The following GRIN2D variants were observed in gnomAD, a reference collection of about 807,000 sequenced individuals.
GRIN2D encodes glutamate receptor ionotropic, NMDA 2D.
A neutral mutation model predicts 103.2 loss-of-function variants in GRIN2D; 37 were observed. The ratio of observed to expected loss-of-function variants is 0.36; its 90% confidence interval spans 0.28 to 0.47. The LOEUF (loss-of-function observed/expected upper bound fraction) is 0.47. GRIN2D is among the 20% of genes least tolerant of loss of function. GRIN2D has a pLI of 1.00. For synonymous variants in GRIN2D, 845 were observed against 885.6 expected, an observed-to-expected ratio of 0.95 and a Z score of 0.81; for missense variants, 1,557 against 1,910.6, an observed-to-expected ratio of 0.81 and a Z score of 3.45.
chr19:48,432,153 G>A (rs765072166), intron 11 of GRIN2D, among the ~76,000 whole-genome samples: 8 of 145,646 alleles, frequency 5.5e-5, no homozygotes, highest in South Asian at 2.2e-4. Context: ...CTTGTGATCC[G>A]CCTGCCTCAG....
At chr19:48,418,188 G>A (rs1359874974) in intron 8 of GRIN2D, among the ~76,000 whole-genome samples, 1 of 151,634 alleles carries the variant, frequency 6.6e-6, no homozygotes, top group African/African-American at 2.4e-5. Flanking sequence ...CGCCCACCAC[G>A]ACACCCAGCT....
chr19:48,411,980 C>T (rs1970867338), intron 4 of GRIN2D, among the ~76,000 whole-genome samples: 1 of 151,208 alleles, frequency 6.6e-6, no homozygotes, highest in African/African-American at 2.4e-5. Context: ...ATCACTTGAA[C>T]TCAGGAGTTC....
intron 3 of GRIN2D, among the ~76,000 whole-genome samples, chr19:48,402,862 A>G (rs962800242): frequency 2.0e-5 from 3 of 149,572 alleles, no homozygotes; most frequent in Non-Finnish European, 4.4e-5. Context: ...TGACATGCTA[A>G]TTTTGAGACA....
chr19:48,402,278 T>C (rs1303006195), intron 3 of GRIN2D, among the ~76,000 whole-genome samples: 1 of 152,034 alleles, frequency 6.6e-6, no homozygotes, highest in East Asian at 1.9e-4. Flanking sequence ...ACTGGAGCTA[T>C]CTTTGAACGT....
intron 2 of GRIN2D, among the ~76,000 whole-genome samples, chr19:48,397,798 G>C (rs995359903): frequency 6.6e-6 from 1 of 150,666 alleles, no homozygotes; most frequent in African/African-American, 2.4e-5. Context: ...CTCCTATCTT[G>C]ATCCCATCTC....
Position 48,421,808 on chromosome 19 carries a change from C to T in GRIN2D, c.2115C>T (p.Tyr705=). 1 of 1,613,894 alleles carries T rather than the reference C, an allele frequency of 6.2e-7. No individual in the cohort carries two copies. The highest frequency in any genetic ancestry group is 1.1e-5 in the South Asian group (1 of 91,080). The change falls in exon 11 of 14, where the codon TAC becomes TAT. Residue 705 remains tyrosine, a synonymous_variant. Transcript: ENST00000263269. The surrounding 1 kb of genome is among the most constrained non-coding windows in gnomAD (Gnocchi z 4.8). The stretch of plus-strand genomic sequence containing the variant: ...AGTTCCAGAGGCCCCAGGAGCAGTA[C>T]CCGCCCCTGAAGTTTGGGACCGTGC... ...DRKFQRPQEQ[Y]PPLKFGTVPN...
chr19:48,397,685 A>C (rs1970659447), intron 2 of GRIN2D, among the ~76,000 whole-genome samples: 4 of 135,626 alleles, frequency 2.9e-5, no homozygotes, highest in Admixed American at 7.1e-5. Flanking sequence ...TGTTTCTGTC[A>C]CTCCGTCCTC....
chr19:48,444,254 C>G lies in GRIN2D; in HGVS notation c.*317C>G, dbSNP rs1971353797. ...TGGGGGGTTCACGCCACTCCCGCGT[C>G]CCACCTCCACGCCCGGGGCCGTGGC... On this transcript the variant is annotated 3_prime_UTR_variant, in exon 14 of 14. Transcript: ENST00000263269. The surrounding 1 kb of genome is among the most constrained non-coding windows in gnomAD (Gnocchi z 5.5). 3 of 243,730 alleles carry G rather than the reference C, an allele frequency of 1.2e-5. No homozygotes were observed. The highest frequency in any genetic ancestry group is 3.0e-4 in the South Asian group (2 of 6,580). The allele number at this position is 243,730 out of a possible 1,614,324, so 15.1% of individuals were successfully genotyped here.
At chr19:48,395,959 C>G (rs1014548762) in intron 2 of GRIN2D, among the ~76,000 whole-genome samples, 3 of 151,184 alleles carry the variant, frequency 2.0e-5, no homozygotes, top group African/African-American at 7.3e-5. Flanking sequence ...AGAACAGGAC[C>G]GAATGCCCAG....
intron 11 of GRIN2D, among the ~76,000 whole-genome samples, chr19:48,424,948 C>G (rs75481032): frequency 6.6e-6 from 1 of 152,106 alleles, no homozygotes; most frequent in African/African-American, 2.4e-5. Flanking sequence ...CATCTCTCCC[C>G]CTTCCCCCTT....
intron 7 of GRIN2D, among the ~76,000 whole-genome samples, chr19:48,415,681 C>G (rs1970938809): frequency 7.0e-6 from 1 of 143,136 alleles, no homozygotes; most frequent in South Asian, 2.2e-4. Flanking sequence ...GACTTTGGTA[C>G]AGAGGAGGAG....
At chr19:48,396,557 G>T (rs1383241478) in intron 2 of GRIN2D, among the ~76,000 whole-genome samples, 1 of 151,898 alleles carries the variant, frequency 6.6e-6, no homozygotes, top group South Asian at 2.1e-4. Flanking sequence ...GGGGCGGAGT[G>T]GGGGGGTTAT....
Position 48,394,571 on chromosome 19 carries a change from G to A in GRIN2D, c.-305-87G>A, listed in dbSNP as rs1429683410. Among the ~76,000 whole-genome samples, 1 of 150,856 alleles carries A rather than the reference G, an allele frequency of 6.6e-6. No individual in the cohort carries two copies. Among genetic ancestry groups the A allele is most frequent in the African/African-American group, 2.4e-5 (1 of 41,064 alleles). On this transcript the variant is annotated intron_variant, in intron 1 of 13. Coordinates refer to ENST00000263269, the MANE Select transcript of GRIN2D (RefSeq NM_000836.4). The surrounding 1 kb of genome is among the most constrained non-coding windows in gnomAD (Gnocchi z 5.1). ...CTGAAGCGGCAGAGGGGGGCACCCC[G>A]GGTGGGCGGAGGGGGGATCCCCACG...
At chr19:48,435,842 C>T (rs1971222845) in intron 11 of GRIN2D, among the ~76,000 whole-genome samples, 1 of 152,368 alleles carries the variant, frequency 6.6e-6, no homozygotes, top group Admixed American at 6.5e-5. Context: ...GTCCCTGCCT[C>T]ATGGAACTTA....
At chr19:48,406,088 G>A (rs1353210485) in intron 4 of GRIN2D, among the ~76,000 whole-genome samples, 1 of 152,128 alleles carries the variant, frequency 6.6e-6, no homozygotes, top group Non-Finnish European at 1.5e-5. Flanking sequence ...CTGATTGGTT[G>A]GACGTCTATT....
At chr19:48,440,600 C>CA (rs757574005) in intron 11 of GRIN2D, among the ~76,000 whole-genome samples, 14 of 150,518 alleles carry the variant, frequency 9.3e-5, no homozygotes, top group Non-Finnish European at 1.3e-4. Context: ...CTCAGGAAAA[C>CA]AAAAAAAAAG....
At position 48,418,027 on chromosome 19, in the gene GRIN2D, C is replaced by T. The variant is rs3786747; in HGVS notation, c.1736-1207C>T. Among the ~76,000 whole-genome samples, 315 of 146,774 alleles carry T rather than the reference C, an allele frequency of 2.1e-3. 3 individuals carry two copies. The East Asian group carries it at 0.023, about 11-fold the overall frequency. On this transcript the variant is annotated intron_variant, in intron 8 of 13. Coordinates refer to ENST00000263269, the MANE Select transcript of GRIN2D (RefSeq NM_000836.4). ...AGGGTGTCGCTGATTCAGGCACCTG[C>T]GAGTTCTTTTTTTTTTTTTTTTTTG...
chr19:48,428,346 C>G (rs371471058), intron 11 of GRIN2D, among the ~76,000 whole-genome samples: 1 of 146,870 alleles, frequency 6.8e-6, no homozygotes, highest in Non-Finnish European at 1.5e-5. Context: ...CAAGCTCCCC[C>G]CTCCCCCTCC....
At chr19:48,399,297 G>A (rs1300305579) in intron 3 of GRIN2D, among the ~76,000 whole-genome samples, 1 of 152,162 alleles carries the variant, frequency 6.6e-6, no homozygotes, top group Non-Finnish European at 1.5e-5. Flanking sequence ...TGGGCGCGGT[G>A]GCTCACGCCT....
Sources: gnomAD v4.1 joint callset for allele counts (sites outside exome capture counted in the v4.1 genomes callset) on GRCh38, gnomAD v4.1.1 for gene constraint, Gnocchi (gnomAD v3.1) non-coding constraint, MANE v1.5 for transcripts, NCBI Gene and HGNC (gene_info 2026-07-23, HGNC 2026-07-21) for gene names.